Variants in ANTXR1 observed in about 807,000 individuals in gnomAD.
The protein encoded by ANTXR1 is anthrax toxin receptor 1.
In ANTXR1, 19 loss-of-function variants were observed where a neutral mutation model predicts 78.1. The observed-to-expected ratio is 0.24, with a 90% confidence interval of 0.17 to 0.36. ANTXR1 has a LOEUF of 0.36. ANTXR1 is among the 10% of genes least tolerant of loss of function. The pLI, the probability that ANTXR1 is intolerant of heterozygous loss-of-function variation, is 1.00. For synonymous variants in ANTXR1, 273 were observed against 260.5 expected (o/e 1.05, Z -0.46); for missense variants, 518 against 718.6 (o/e 0.72, Z 3.19).
At chr2:69,182,107 G>A (rs953279296) in intron 15 of ANTXR1, 2 of 582,824 alleles carry the variant, frequency 3.4e-6, no homozygotes, top group African/African-American at 1.9e-5. Flanking sequence ...AGAGATAGGA[G>A]GGACAGCCTT....
chr2:69,120,026 C>T (rs116772392), intron 10 of ANTXR1, among the ~76,000 whole-genome samples: 2,693 of 152,260 alleles, frequency 0.018, 89 homozygotes, highest in African/African-American at 0.061. Flanking sequence ...ATAAATCCAT[C>T]GTAAGTTGAA....
At chr2:69,181,715 C>A in intron 14 of ANTXR1, 71 bp from the exon 15 acceptor site, 1 of 1,422,388 alleles carries the variant, frequency 7.0e-7, no homozygotes, top group Non-Finnish European at 9.9e-7. Context: ...CTCCTAATCA[C>A]TTGGCTGTAG....
intron 14 of ANTXR1, among the ~76,000 whole-genome samples, chr2:69,179,524 C>CAA (rs59914010): frequency 0.079 from 10,771 of 135,710 alleles, 1,306 homozygotes; most frequent in African/African-American, 0.26. Flanking sequence ...ACCCTGTCTC[C>CAA]AAAAAAAAAA....
In ANTXR1 at chr2:69,209,736, T is replaced by C. The variant is rs528536629; in HGVS notation, c.1434+16321T>C. Among the ~76,000 whole-genome samples, 24 of 152,334 alleles carry C rather than the reference T, an allele frequency of 1.6e-4. No homozygotes were observed. In the South Asian group the frequency reaches 5.0e-3, roughly 32 times the overall value. On this transcript the variant is annotated intron_variant, in intron 17 of 17. Coordinates refer to ENST00000303714, the MANE Select transcript of ANTXR1 (RefSeq NM_032208.3). The stretch of plus-strand genomic sequence containing the variant: ...CTGCAAGGCTGGAAAGAGCTTGGCA[T>C]GTTGGAGGAACTCAGAGGCCAGCGG...
chr2:69,075,347 T>C (rs187743490), intron 6 of ANTXR1, among the ~76,000 whole-genome samples: 1 of 152,348 alleles, frequency 6.6e-6, no homozygotes, highest in East Asian at 1.9e-4. Context: ...TCCCCTCATC[T>C]TTAAGCCCTT....
chr2:69,016,148 T>C (rs1170171298), intron 1 of ANTXR1, among the ~76,000 whole-genome samples: 1 of 152,224 alleles, frequency 6.6e-6, no homozygotes, highest in African/African-American at 2.4e-5. Flanking sequence ...GTAGAAAAGT[T>C]CTATATCTGT....
chr2:69,077,575 G>T (rs780670327), intron 8 of ANTXR1, 87 bp downstream of exon 8: 319 of 1,415,842 alleles, frequency 2.3e-4, no homozygotes, highest in Non-Finnish European at 2.7e-4. Flanking sequence ...ATCTCTCAAA[G>T]CCTGGTGTTT....
intron 12 of ANTXR1, among the ~76,000 whole-genome samples, chr2:69,139,633 C>T (rs188114181): frequency 2.6e-5 from 4 of 152,166 alleles, no homozygotes; most frequent in East Asian, 3.9e-4. Flanking sequence ...GATAGATGCT[C>T]GGGTAGAGCA....
rs188506914 is a variant in ANTXR1, at chr2:69,037,577, G to A, written c.153-2467G>A. Among the ~76,000 whole-genome samples, 4 of 152,154 alleles carry A rather than the reference G, an allele frequency of 2.6e-5. No individual in the cohort carries two copies. In the East Asian group the frequency reaches 5.8e-4, roughly 22 times the overall value. ...CTCAGCCTCCCGGGTTCAAGTGATT[G>A]TCCTGCCTCAGCCTCCTGAGTAGCT... On this transcript the variant is annotated intron_variant, in intron 1 of 17. Coordinates refer to ENST00000303714, the MANE Select transcript of ANTXR1 (RefSeq NM_032208.3).
chr2:69,189,518 C>A lies in ANTXR1; in HGVS notation c.1354-3817C>A, dbSNP rs1674501624. Among the ~76,000 whole-genome samples the A allele has an allele frequency of 2.6e-5, 4 of 152,144 alleles. No homozygotes were observed. In the South Asian group the frequency reaches 8.3e-4, roughly 32 times the overall value. On this transcript the variant is annotated intron_variant, in intron 16 of 17. Transcript: ENST00000303714. ...ATCCATTTGGGCTCACAGTAAAATT[C>A]TTTATTAATCAATAGGAGAGAGGAC...
At chr2:69,227,995 C>T (rs116728847) in intron 17 of ANTXR1, among the ~76,000 whole-genome samples, 1,760 of 152,258 alleles carry the variant, frequency 0.012, 23 homozygotes, top group African/African-American at 0.036. Context: ...AGGGGTTCTA[C>T]TACTAAAGGA....
intron 14 of ANTXR1, 21 bp downstream of exon 14, chr2:69,170,310 G>C (rs1325936077): frequency 3.7e-6 from 6 of 1,613,724 alleles, no homozygotes; most frequent in Non-Finnish European, 4.2e-6. Context: ...ACAGCAGGAT[G>C]GCAGTGGGTG....
intron 13 of ANTXR1, among the ~76,000 whole-genome samples, chr2:69,160,677 G>C (rs1673657708): frequency 6.6e-6 from 1 of 152,198 alleles, no homozygotes; most frequent in African/African-American, 2.4e-5. Flanking sequence ...TATTTAGACA[G>C]TGAGTTTTAA....
At chr2:69,054,576 C>T (rs568840682) in intron 3 of ANTXR1, among the ~76,000 whole-genome samples, 7 of 152,104 alleles carry the variant, frequency 4.6e-5, no homozygotes, top group African/African-American at 1.4e-4. Context: ...ACACTTGGCT[C>T]CAACTGCTGA....
intron 17 of ANTXR1, among the ~76,000 whole-genome samples, chr2:69,244,253 G>C (rs925270551): frequency 6.6e-6 from 1 of 152,210 alleles, no homozygotes; most frequent in South Asian, 2.1e-4. Context: ...GGTCTTCTCT[G>C]CATTGTTCAG....
At chr2:69,103,728 A>T (rs1671709166) in intron 10 of ANTXR1, 1 of 155,964 alleles carries the variant, frequency 6.4e-6, no homozygotes, top group Non-Finnish European at 1.4e-5. Context: ...TATGATTTGC[A>T]TCTGGCATCC....
intron 17 of ANTXR1, among the ~76,000 whole-genome samples, chr2:69,207,688 G>C (rs572726774): frequency 6.6e-6 from 1 of 152,058 alleles, no homozygotes; most frequent in Admixed American, 6.5e-5. Context: ...GATTTTTCTC[G>C]GCCAATTTGC....
intron 12 of ANTXR1, among the ~76,000 whole-genome samples, chr2:69,143,631 A>G (rs184834544): frequency 4.6e-5 from 7 of 152,286 alleles, no homozygotes; most frequent in Admixed American, 3.9e-4. Context: ...GAGTTTTAGA[A>G]AGAAAACTGG....
Position 69,062,494 on chromosome 2 carries a change from C to A in ANTXR1, c.297-8153C>A, listed in dbSNP as rs545073106. Among the ~76,000 whole-genome samples, 4 of 152,284 alleles carry A rather than the reference C, an allele frequency of 2.6e-5. No homozygotes were observed. The East Asian group carries it at 7.7e-4, about 29-fold the overall frequency. ...CAGGAGTTGGCCTAATAACAGGGAACATGAATCTAACAAAAGGTGCAGCCC... is the reference window on the plus strand; with the variant it reads ...CAGGAGTTGGCCTAATAACAGGGAAAATGAATCTAACAAAAGGTGCAGCCC... On this transcript the variant is annotated intron_variant, in intron 3 of 17. Coordinates refer to ENST00000303714, the MANE Select transcript of ANTXR1 (RefSeq NM_032208.3).
Sources: gnomAD v4.1 joint callset for allele counts (sites outside exome capture counted in the v4.1 genomes callset) on GRCh38, gnomAD v4.1.1 for gene constraint, MANE v1.5 for transcripts, NCBI Gene and HGNC (gene_info 2026-07-23, HGNC 2026-07-21) for gene names.